The following IRAG1 variants were observed in gnomAD, a reference collection of about 807,000 sequenced individuals.
IRAG1 encodes IP3R-associated cGMP kinase substrate.
Under a neutral mutation model 106.2 loss-of-function variants are expected in IRAG1, and 62 were observed. That is an observed-to-expected ratio of 0.58 (90% CI 0.48 to 0.72). The LOEUF is 0.72. Ranked by LOEUF, IRAG1 falls within the 30% of genes least tolerant of loss-of-function variation. The pLI is 0.00. For synonymous variants in IRAG1, 462 were observed against 443.9 expected (o/e 1.04, Z -0.51); for missense variants, 1,064 against 1,140.7 (o/e 0.93, Z 0.97).
At chr11:10,633,575 C>A (rs1028348361) in intron 3 of IRAG1, among the ~76,000 whole-genome samples, 1 of 152,122 alleles carries the variant, frequency 6.6e-6, no homozygotes, top group Non-Finnish European at 1.5e-5. Flanking sequence ...TGTTTGGCTG[C>A]AAATAGCTGG....
intron 1 of IRAG1, among the ~76,000 whole-genome samples, chr11:10,669,066 A>C (rs1860013550): frequency 2.0e-5 from 3 of 152,180 alleles, no homozygotes; most frequent in Admixed American, 2.0e-4. Context: ...GAGTGTACAA[A>C]TGGATGGTCT....
Position 10,665,280 on chromosome 11 carries a change from G to A in IRAG1, c.68-13098C>T, listed in dbSNP as rs1351264499. 6.6e-6 allele frequency among the ~76,000 whole-genome samples: 1 copy of A among 151,916 alleles called. No homozygotes were observed. On this transcript the variant is annotated intron_variant, in intron 1 of 20. Coordinates refer to ENST00000423302, the MANE Select transcript of IRAG1 (RefSeq NM_130385.4). This position sits in a 1 kb window ranked among gnomAD's most constrained non-coding sequence, Gnocchi z 4.2. ...TCTTTCTGCATTCCCTGCTACCATT[G>A]GTGGGCCCAGCATCTGGCCAGAAAC... is the stretch of plus-strand genomic sequence containing the variant.
intron 2 of IRAG1, among the ~76,000 whole-genome samples, chr11:10,636,587 C>T (rs1351948141): frequency 6.6e-6 from 1 of 152,192 alleles, no homozygotes; most frequent in Non-Finnish European, 1.5e-5. Context: ...TATGGTTATC[C>T]ACCATGTGCC....
At chr11:10,648,879 G>A (rs1338517950) in intron 2 of IRAG1, among the ~76,000 whole-genome samples, 2 of 152,234 alleles carry the variant, frequency 1.3e-5, no homozygotes, top group South Asian at 4.1e-4. Context: ...TTGTGTTTGT[G>A]TGTGAGAAGG....
intron 13 of IRAG1, among the ~76,000 whole-genome samples, chr11:10,603,922 T>C (rs1439775574): frequency 1.3e-5 from 2 of 152,180 alleles, no homozygotes; most frequent in Non-Finnish European, 1.5e-5. Flanking sequence ...TCCAGAACTA[T>C]GAGAAATAAA....
intron 14 of IRAG1, 126 bp from the exon 15 acceptor site, chr11:10,601,185 T>C: frequency 7.6e-7 from 1 of 1,319,684 alleles, no homozygotes. Flanking sequence ...CTCTGCCCTC[T>C]GAAGAGTTTG....
intron 1 of IRAG1, chr11:10,687,621 T>C (rs4910169): frequency 0.24 from 279,263 of 1,185,308 alleles, 33,682 homozygotes; most frequent in Middle Eastern, 0.29. Flanking sequence ...TGTTATTTAT[T>C]GGGCCTCCTT....
intron 15 of IRAG1, among the ~76,000 whole-genome samples, chr11:10,594,549 G>A (rs1015482037): frequency 5.9e-5 from 9 of 152,136 alleles, no homozygotes; most frequent in African/African-American, 1.9e-4. Flanking sequence ...TTTCATGCTC[G>A]TTCAAGGATG....
At chr11:10,584,579 A>G (rs1412082893) in intron 18 of IRAG1, among the ~76,000 whole-genome samples, 1 of 139,548 alleles carries the variant, frequency 7.2e-6, no homozygotes, top group Non-Finnish European at 1.5e-5. Context: ...ATATATATAT[A>G]TATATATGAA....
chr11:10,576,080 T>C lies in IRAG1; in HGVS notation c.*252A>G, dbSNP rs1428230985. ...AGGGGCAGGAGACCTTCCCTTCCAA[T>C]AGAGTTCCTTGGTGAAGGTGACTTC... On this transcript the variant is annotated 3_prime_UTR_variant, in exon 21 of 21. Coordinates refer to ENST00000423302, the MANE Select transcript of IRAG1 (RefSeq NM_130385.4). The C allele has an allele frequency of 2.4e-5, 12 of 502,386 alleles. No homozygotes were observed. The East Asian group carries it at 4.3e-4, about 18-fold the overall frequency. 31.1% of individuals were successfully genotyped at this position (502,386 alleles called of 1,614,324 possible). A position where few individuals can be genotyped will look rare whatever the true frequency, so the allele number is the denominator to read the frequency against.
chr11:10,610,514 C>A (rs1854859649), intron 10 of IRAG1, among the ~76,000 whole-genome samples: 1 of 152,186 alleles, frequency 6.6e-6, no homozygotes, highest in Admixed American at 6.5e-5. Flanking sequence ...ATAAATCTTT[C>A]TCCTGTTTGA....
At chr11:10,631,577 A>T (rs528486822) in intron 4 of IRAG1, among the ~76,000 whole-genome samples, 1 of 152,288 alleles carries the variant, frequency 6.6e-6, no homozygotes, top group Non-Finnish European at 1.5e-5. Flanking sequence ...TCTATATGAG[A>T]TCTATGTTCC....
At chr11:10,601,203 C>A (rs1192323562) in intron 14 of IRAG1, 144 bp from the exon 15 acceptor site, 2 of 1,167,840 alleles carry the variant, frequency 1.7e-6, no homozygotes, top group Non-Finnish European at 2.4e-6. Flanking sequence ...TTGCTGTCTG[C>A]CATGTGAGCT....
intron 18 of IRAG1, among the ~76,000 whole-genome samples, chr11:10,590,461 T>C (rs958430328): frequency 2.6e-5 from 4 of 152,162 alleles, no homozygotes; most frequent in Admixed American, 6.5e-5. Flanking sequence ...TGGGAGCTTG[T>C]CTGTACTGAA....
At chr11:10,680,366 AAAG>A (rs1564942477) in intron 1 of IRAG1, among the ~76,000 whole-genome samples, 1 of 94,344 alleles carries the variant, frequency 1.1e-5, no homozygotes, top group Non-Finnish European at 2.1e-5. Context: ...AGAAAGAAAG[AAAG>A]AAGGAAGGAA....
chr11:10,665,256 C>T lies in IRAG1; in HGVS notation c.68-13074G>A, dbSNP rs982917608. ...GCCCTTTTCCTCAGAACCTGTTCCT[C>T]TTTCTGCATTCCCTGCTACCATTGG... On this transcript the variant is annotated intron_variant, in intron 1 of 20. Transcript: ENST00000423302. The surrounding 1 kb of genome is among the most constrained non-coding windows in gnomAD (Gnocchi z 4.2). 1.3e-5 allele frequency among the ~76,000 whole-genome samples: 2 copies of T among 152,192 alleles called. No individual in the cohort carries two copies. The highest frequency in any genetic ancestry group is 4.8e-5 in the African/African-American group (2 of 41,442).
At chr11:10,581,156 A>T (rs1278218689) in intron 19 of IRAG1, among the ~76,000 whole-genome samples, 1 of 152,074 alleles carries the variant, frequency 6.6e-6, no homozygotes, top group Non-Finnish European at 1.5e-5. Context: ...CAGGGTCAAT[A>T]TTACCCCAAA....
chr11:10,578,215 A>C (rs1851026227), intron 20 of IRAG1, among the ~76,000 whole-genome samples: 1 of 152,238 alleles, frequency 6.6e-6, no homozygotes, highest in African/African-American at 2.4e-5. Context: ...TATAATAAGT[A>C]AACTTCTGTT....
In IRAG1 at chr11:10,629,884, C is replaced by T. The variant is rs538912668; in HGVS notation, c.401-173G>A. The T allele has an allele frequency of 2.2e-5, 14 of 634,876 alleles. 1 individual carries two copies. In the South Asian group the frequency reaches 2.8e-4, roughly 13 times the overall value. The allele number at this position is 634,876 out of a possible 1,614,324, so 39.3% of individuals were successfully genotyped here. On this transcript the variant is annotated intron_variant, in intron 4 of 20. Coordinates refer to ENST00000423302, the MANE Select transcript of IRAG1 (RefSeq NM_130385.4). ...TGGGGACAGACAGTGGCTTCCTCTGCAGGCCTGGCCCCTATGGCTTATGGC... is the reference window on the plus strand; with the variant it reads ...TGGGGACAGACAGTGGCTTCCTCTGTAGGCCTGGCCCCTATGGCTTATGGC...
Sources: gnomAD v4.1 joint callset for allele counts (sites outside exome capture counted in the v4.1 genomes callset) on GRCh38, gnomAD v4.1.1 for gene constraint, Gnocchi (gnomAD v3.1) non-coding constraint, MANE v1.5 for transcripts, NCBI Gene and HGNC (gene_info 2026-07-23, HGNC 2026-07-21) for gene names.